PCDHA13: variants seen among roughly 807,000 people sequenced by gnomAD.
The protein encoded by PCDHA13 is protocadherin alpha-13.
PCDHA13 carries 54 observed loss-of-function variants against 64.8 expected under a neutral mutation model. The ratio of observed to expected loss-of-function variants is 0.83; its 90% CI spans 0.67 to 1.04. The LOEUF is 1.04. PCDHA13 is among the 50% of genes least tolerant of loss of function. The pLI, the probability that PCDHA13 is intolerant of heterozygous loss-of-function variation, is 0.00. For synonymous variants in PCDHA13, 587 were observed against 564.4 expected (o/e 1.04, Z -0.57); for missense variants, 1,248 against 1,254.3 (o/e 0.99, Z 0.08).
chr5:140,985,590 T>C (rs1049609959), intron 3 of PCDHA13, among the ~76,000 whole-genome samples: 5 of 152,166 alleles, frequency 3.3e-5, no homozygotes, highest in African/African-American at 1.2e-4. Flanking sequence ...TCCTTATACT[T>C]GCTTCAGAGC....
chr5:140,967,021 C>G, intron 1 of PCDHA13: 2 of 1,607,830 alleles, frequency 1.2e-6, no homozygotes, highest in Non-Finnish European at 1.7e-6. Context: ...TGGGTGCGCC[C>G]AGTCCGCGCT....
Position 140,893,497 on chromosome 5 carries a change from GA to G in PCDHA13, c.2394+8844del, listed in dbSNP as rs1157700367. Among the ~76,000 whole-genome samples the G allele has an allele frequency of 3.1e-4, 47 of 150,168 alleles. No individual in the cohort carries two copies. The Middle Eastern group carries it at 0.01, about 33-fold the overall frequency. ...GCAAGACCCTGTTCTTCACAAAAAAGAAAAAAAAAGCAGTTGTAGAACTCCT... is the reference window on the plus strand; with the variant it reads ...GCAAGACCCTGTTCTTCACAAAAAAGAAAAAAAAGCAGTTGTAGAACTCCT... On this transcript the variant is annotated intron_variant, in intron 1 of 3. Transcript: ENST00000289272.
intron 1 of PCDHA13, among the ~76,000 whole-genome samples, chr5:140,895,802 CTGTATTGTAT>C (rs1289601886): frequency 6.6e-6 from 1 of 152,048 alleles, no homozygotes; most frequent in Admixed American, 6.6e-5. Context: ...ATGTACAATA[CTGTATTGTAT>C]TGTATTGTAT....
intron 1 of PCDHA13, among the ~76,000 whole-genome samples, chr5:140,905,354 A>T (rs926429746): frequency 3.3e-5 from 5 of 152,030 alleles, no homozygotes; most frequent in Non-Finnish European, 5.9e-5. Context: ...TAAGTATTTG[A>T]CTATATTTCT....
chr5:140,966,694 C>T, intron 1 of PCDHA13: 1 of 1,358,670 alleles, frequency 7.4e-7, no homozygotes, highest in Non-Finnish European at 9.5e-7. Context: ...GAGGCGGGGC[C>T]CGGGCGTGGG....
chr5:140,966,603 G>T, intron 1 of PCDHA13: 1 of 656,454 alleles, frequency 1.5e-6, no homozygotes, highest in East Asian at 3.4e-5. Context: ...AGGAGCCCTT[G>T]GGAGGGCCTA....
At chr5:140,921,744 A>T (rs1554200416) in intron 1 of PCDHA13, among the ~76,000 whole-genome samples, 1 of 152,158 alleles carries the variant, frequency 6.6e-6, no homozygotes. Context: ...TATAAGCATA[A>T]CAGGACACTT....
intron 1 of PCDHA13, among the ~76,000 whole-genome samples, chr5:140,950,208 C>G (rs1377059178): frequency 1.3e-5 from 2 of 151,900 alleles, no homozygotes; most frequent in Non-Finnish European, 2.9e-5. Context: ...TTCTGTTTAC[C>G]TAGTCATTTA....
At chr5:140,942,338 G>A (rs1554214916) in intron 1 of PCDHA13, among the ~76,000 whole-genome samples, 1 of 152,042 alleles carries the variant, frequency 6.6e-6, no homozygotes, top group African/African-American at 2.4e-5. Flanking sequence ...TGAACCAGAG[G>A]GAGGCGGAGG....
chr5:140,952,798 G>A (rs1554220633), intron 1 of PCDHA13, among the ~76,000 whole-genome samples: 1 of 152,138 alleles, frequency 6.6e-6, no homozygotes, highest in Non-Finnish European at 1.5e-5. Flanking sequence ...TAACTGGCTC[G>A]CAGTTCTGCA....
intron 1 of PCDHA13, among the ~76,000 whole-genome samples, chr5:140,941,599 G>A (rs1017713166): frequency 3.3e-5 from 5 of 152,116 alleles, no homozygotes; most frequent in African/African-American, 1.2e-4. Flanking sequence ...ACAGCCATGA[G>A]CCATGGTGCC....
At chr5:140,894,656 C>T (rs2064591261) in intron 1 of PCDHA13, among the ~76,000 whole-genome samples, 2 of 151,616 alleles carry the variant, frequency 1.3e-5, no homozygotes, top group Non-Finnish European at 2.9e-5. Flanking sequence ...CTCTCTAATT[C>T]TGATTTGTGT....
intron 1 of PCDHA13, among the ~76,000 whole-genome samples, chr5:140,944,665 A>G (rs782357699): frequency 1.1e-4 from 17 of 152,138 alleles, no homozygotes; most frequent in Non-Finnish European, 2.5e-4. Flanking sequence ...CCCCTTATTT[A>G]TCTATTCTGT....
chr5:140,946,457 C>T (rs1480427132), intron 1 of PCDHA13, among the ~76,000 whole-genome samples: 2 of 151,612 alleles, frequency 1.3e-5, no homozygotes, highest in Non-Finnish European at 3.0e-5. Flanking sequence ...AACTATCCAG[C>T]AATCCCACTA....
chr5:141,006,296 C>G (rs2153987135), intron 3 of PCDHA13, among the ~76,000 whole-genome samples: 1 of 152,102 alleles, frequency 6.6e-6, no homozygotes, highest in East Asian at 1.9e-4. Context: ...ACTGCAAGCT[C>G]CACTTCCCGG....
intron 1 of PCDHA13, among the ~76,000 whole-genome samples, chr5:140,895,233 A>G (rs2064923914): frequency 3.3e-5 from 5 of 152,070 alleles, no homozygotes; most frequent in Admixed American, 2.6e-4. Context: ...GAGTTTTCTC[A>G]TCTCTCTTTT....
intron 1 of PCDHA13, among the ~76,000 whole-genome samples, chr5:140,894,629 T>C (rs1406335031): frequency 6.6e-6 from 1 of 152,036 alleles, no homozygotes; most frequent in African/African-American, 2.4e-5. Flanking sequence ...TCTTCTCCAA[T>C]CATATCATTA....
In PCDHA13 at chr5:140,982,523, G is replaced by A; in HGVS notation, c.2502G>A (p.Gly834=). Residue 834 remains glycine (G), a synonymous_variant, in exon 3 of 4, where the codon GGG becomes GGA. Coordinates refer to ENST00000289272, the MANE Select transcript of PCDHA13 (RefSeq NM_018904.3). ...EAGILRAGPG[G]PDQQWPTVSS... ...GCATTCTACGGGCTGGTCCAGGAGGGCCTGATCAGCAGTGGCCAACAGTAT... is the reference window on the plus strand; with the variant it reads ...GCATTCTACGGGCTGGTCCAGGAGGACCTGATCAGCAGTGGCCAACAGTAT... 6.2e-7 allele frequency: 1 copy of A among 1,614,220 alleles called. No individual in the cohort carries two copies. The highest frequency in any genetic ancestry group is 8.5e-7 in the Non-Finnish European group (1 of 1,180,034).
chr5:140,941,527 G>A (rs1324655767), intron 1 of PCDHA13, among the ~76,000 whole-genome samples: 1 of 151,580 alleles, frequency 6.6e-6, no homozygotes, highest in African/African-American at 2.4e-5. Flanking sequence ...ATCTTGACCA[G>A]GCTGGTCTTG....
Sources: allele counts gnomAD v4.1 joint callset (sites outside exome capture counted in the v4.1 genomes callset), GRCh38; gene constraint gnomAD v4.1.1; transcripts MANE v1.5; gene names NCBI Gene and HGNC (gene_info 2026-07-23, HGNC 2026-07-21).